Variants in UNC5D observed in about 807,000 individuals in gnomAD.
UNC5D encodes unc-5 netrin receptor D, also known as netrin receptor UNC5D.
In UNC5D, 39 loss-of-function variants were observed where a neutral mutation model predicts 105.4. The observed-to-expected ratio is 0.37, with a 90% CI of 0.29 to 0.48. UNC5D has a LOEUF of 0.48. Among genes scored for constraint, UNC5D ranks in the 20% least tolerant of loss-of-function variants. UNC5D has a pLI of 0.98. For missense variants in UNC5D, 991 were observed against 1,202.4 expected (o/e 0.82, Z 2.60); for synonymous variants, 452 against 450.4 (o/e 1.00, Z -0.04).
At chr8:35,325,287 A>G (rs541571433) in intron 1 of UNC5D, among the ~76,000 whole-genome samples, 3 of 152,332 alleles carry the variant, frequency 2.0e-5, no homozygotes, top group African/African-American at 4.8e-5. Flanking sequence ...GCTAGTAATT[A>G]TTTTTAAAAA....
At chr8:35,372,481 T>G (rs903450248) in intron 1 of UNC5D, among the ~76,000 whole-genome samples, 2 of 152,144 alleles carry the variant, frequency 1.3e-5, no homozygotes, top group Admixed American at 6.5e-5. Context: ...TTATGATACT[T>G]TTACAGAGAA....
chr8:35,439,807 G>A (rs568315990), intron 1 of UNC5D, among the ~76,000 whole-genome samples: 35 of 152,000 alleles, frequency 2.3e-4, no homozygotes, highest in African/African-American at 8.0e-4. Context: ...ATGGAAAGTC[G>A]TTTTCCTTCT....
At chr8:35,602,964 A>G (rs1820000699) in intron 4 of UNC5D, among the ~76,000 whole-genome samples, 1 of 145,964 alleles carries the variant, frequency 6.9e-6, no homozygotes, top group Non-Finnish European at 1.5e-5. Flanking sequence ...ATGAGTGAGA[A>G]TATGGGGTGT....
At chr8:35,587,612 G>A (rs534777816) in intron 3 of UNC5D, among the ~76,000 whole-genome samples, 1 of 152,058 alleles carries the variant, frequency 6.6e-6, no homozygotes, top group African/African-American at 2.4e-5. Flanking sequence ...TTAGAGAAGG[G>A]TATTTCAGAA....
chr8:35,446,823 A>G (rs1297524171), intron 1 of UNC5D, among the ~76,000 whole-genome samples: 3 of 152,070 alleles, frequency 2.0e-5, no homozygotes, highest in Admixed American at 2.0e-4. Flanking sequence ...TCCTGTGAGG[A>G]TTACTCCTTC....
chr8:35,579,364 C>T (rs1020910181), intron 3 of UNC5D, among the ~76,000 whole-genome samples: 3 of 151,592 alleles, frequency 2.0e-5, no homozygotes, highest in African/African-American at 4.9e-5. Context: ...CTAGGCAGCA[C>T]GATAATTAAT....
chr8:35,790,325 GT>G (rs1802978769), intron 16 of UNC5D, 33 bp from the exon 17 acceptor site: 1 of 1,596,172 alleles, frequency 6.3e-7, no homozygotes, highest in African/African-American at 1.3e-5. Context: ...TTCATGTTTC[GT>G]TTTGTTCTTT....
intron 1 of UNC5D, among the ~76,000 whole-genome samples, chr8:35,409,297 A>C (rs916857651): frequency 2.0e-5 from 3 of 151,962 alleles, no homozygotes; most frequent in African/African-American, 7.2e-5. Context: ...TGTAACAAGA[A>C]ATTTAGCAAC....
chr8:35,452,544 G>A (rs901596609), intron 1 of UNC5D, among the ~76,000 whole-genome samples: 4 of 152,098 alleles, frequency 2.6e-5, no homozygotes, highest in African/African-American at 4.8e-5. Context: ...GATTACAGGC[G>A]TGAGCCACCG....
chr8:35,285,074 C>G (rs1006048240), intron 1 of UNC5D, among the ~76,000 whole-genome samples: 5 of 152,158 alleles, frequency 3.3e-5, no homozygotes, highest in African/African-American at 9.7e-5. Context: ...TAGCAACACT[C>G]ATGTTTTGGT....
chr8:35,449,299 C>T (rs1169901905), intron 1 of UNC5D, among the ~76,000 whole-genome samples: 2 of 152,094 alleles, frequency 1.3e-5, no homozygotes, highest in African/African-American at 4.8e-5. Context: ...TTTCTCCTCC[C>T]TTCTTTTGCT....
chr8:35,606,912 G>A (rs1820331629), intron 4 of UNC5D, among the ~76,000 whole-genome samples: 1 of 152,156 alleles, frequency 6.6e-6, no homozygotes, highest in Admixed American at 6.5e-5. Flanking sequence ...GAGAGGACAG[G>A]CTGGCTTCTA....
At chr8:35,607,337 G>A (rs1055629584) in intron 4 of UNC5D, among the ~76,000 whole-genome samples, 1 of 152,146 alleles carries the variant, frequency 6.6e-6, no homozygotes, top group East Asian at 1.9e-4. Context: ...CCACTGAGGA[G>A]GCTTGAAACA....
chr8:35,669,054 C>CT (rs1255553618), intron 4 of UNC5D, among the ~76,000 whole-genome samples: 1 of 151,976 alleles, frequency 6.6e-6, no homozygotes, highest in Non-Finnish European at 1.5e-5. Context: ...CCATTTTACA[C>CT]TTTTTGCATG....
At chr8:35,605,486 C>A (rs1044714903) in intron 4 of UNC5D, among the ~76,000 whole-genome samples, 1 of 152,128 alleles carries the variant, frequency 6.6e-6, no homozygotes, top group Non-Finnish European at 1.5e-5. Flanking sequence ...GGCTACTTGG[C>A]GGTCAGGGAC....
Position 35,340,329 on chromosome 8 carries a change from CAGGG to C in UNC5D, c.103+104446_103+104449del, listed in dbSNP as rs1811371417. 3.9e-5 allele frequency among the ~76,000 whole-genome samples: 6 copies of C among 152,260 alleles called. No homozygotes were observed. The South Asian group carries it at 1.2e-3, about 32-fold the overall frequency. ...TGATGCTGGACATCCAGTACGGACT[CAGGG>C]AGGAACACTGTAAGCTGTTGAGGGC... On this transcript the variant is annotated intron_variant, in intron 1 of 16. Transcript: ENST00000404895.
At chr8:35,267,733 G>A (rs1292484826) in intron 1 of UNC5D, among the ~76,000 whole-genome samples, 8 of 152,078 alleles carry the variant, frequency 5.3e-5, no homozygotes, top group East Asian at 1.9e-4. Flanking sequence ...CACTGCACCC[G>A]GCCTGACCAT....
intron 1 of UNC5D, among the ~76,000 whole-genome samples, chr8:35,405,095 A>T (rs1241709481): frequency 2.0e-5 from 3 of 152,216 alleles, no homozygotes; most frequent in African/African-American, 4.8e-5. Context: ...TAGAAACAAT[A>T]TGTGAGCAAA....
chr8:35,471,432 GT>G (rs1284773778), intron 1 of UNC5D, among the ~76,000 whole-genome samples: 1 of 152,172 alleles, frequency 6.6e-6, no homozygotes, highest in East Asian at 1.9e-4. Flanking sequence ...ATTCAGTGAG[GT>G]TTTTTTAATA....
Sources: gnomAD v4.1 joint callset for allele counts (sites outside exome capture counted in the v4.1 genomes callset) on GRCh38, gnomAD v4.1.1 for gene constraint, MANE v1.5 for transcripts, NCBI Gene and HGNC (gene_info 2026-07-23, HGNC 2026-07-21) for gene names.